Variants in ALG8 observed in about 807,000 individuals in gnomAD.
The protein encoded by ALG8 is dolichyl pyrophosphate Glc1Man9GlcNAc2 alpha-1,3-glucosyltransferase.
In ALG8, 48 loss-of-function variants were observed where a neutral mutation model predicts 70.2. That is an observed-to-expected ratio of 0.68 (90% confidence interval 0.54 to 0.87). ALG8 has a LOEUF of 0.87. Ranked by LOEUF, ALG8 falls within the 40% of genes least tolerant of loss-of-function variation. The pLI is 0.00. For missense variants in ALG8, 572 were observed against 608.7 expected, an observed-to-expected ratio of 0.94 and a Z score of 0.64; for synonymous variants, 234 against 229.0, an observed-to-expected ratio of 1.02 and a Z score of -0.20.
At chr11:78,123,315 G>GAAAAAAAAAAA (rs1220218900) in intron 3 of ALG8, among the ~76,000 whole-genome samples, 1,374 of 86,092 alleles carry the variant, frequency 0.016, 3 homozygotes, top group Non-Finnish European at 0.02. Context: ...GGAAAAAAAA[G>GAAAAAAAAAAA]AAAAAAAAAA....
At chr11:78,117,933 T>C (rs573245792) in intron 5 of ALG8, among the ~76,000 whole-genome samples, 7 of 151,516 alleles carry the variant, frequency 4.6e-5, no homozygotes, top group African/African-American at 1.5e-4. Flanking sequence ...TAGCCGGGCG[T>C]GGTGGCAGGC....
intron 12 of ALG8, among the ~76,000 whole-genome samples, chr11:78,101,592 C>T (rs1365712808): frequency 6.6e-6 from 1 of 152,000 alleles, no homozygotes; most frequent in Non-Finnish European, 1.5e-5. Flanking sequence ...GCACTCTAGC[C>T]TGGGCGACAG....
intron 7 of ALG8, among the ~76,000 whole-genome samples, chr11:78,113,546 C>T (rs147689514): frequency 6.6e-6 from 1 of 151,882 alleles, no homozygotes; most frequent in African/African-American, 2.4e-5. Flanking sequence ...AACCCTGTCT[C>T]TACTAAAAAT....
chr11:78,126,463 C>T (rs1371667253), intron 2 of ALG8, among the ~76,000 whole-genome samples: 6 of 145,582 alleles, frequency 4.1e-5, no homozygotes, highest in South Asian at 2.2e-4. Flanking sequence ...ACCCGGGAGG[C>T]GGAGGTTGCA....
At position 78,123,079 on chromosome 11, in the gene ALG8, G is replaced by A. The variant is rs539971991; in HGVS notation, c.368+942C>T. Among the ~76,000 whole-genome samples the A allele has an allele frequency of 1.9e-4, 29 of 152,126 alleles. No homozygotes were observed. In the South Asian group the frequency reaches 5.6e-3, roughly 29 times the overall value. ...TCCCAGCACTTTGGGAGGCCGAGGC[G>A]GGTGGATCACGAGGTCAGGAGTTCA... is the stretch of plus-strand genomic sequence containing the variant. On this transcript the variant is annotated intron_variant, in intron 3 of 12. Coordinates refer to ENST00000299626, the MANE Select transcript of ALG8 (RefSeq NM_024079.5).
chr11:78,127,337 A>C, intron 2 of ALG8, 21 bp downstream of exon 2: 1 of 1,585,960 alleles, frequency 6.3e-7, no homozygotes, highest in Non-Finnish European at 8.6e-7. Flanking sequence ...TAAAAAAAAA[A>C]AGGTGAAAAT....
At chr11:78,131,720 C>A (rs939540511) in intron 1 of ALG8, among the ~76,000 whole-genome samples, 1 of 151,844 alleles carries the variant, frequency 6.6e-6, no homozygotes. Context: ...CCTGCCTTGG[C>A]CTTCCAAAGT....
chr11:78,106,515 A>G (rs910446957), intron 10 of ALG8, among the ~76,000 whole-genome samples: 2 of 152,162 alleles, frequency 1.3e-5, no homozygotes, highest in Non-Finnish European at 2.9e-5. Flanking sequence ...TTTTTTCTAT[A>G]ACATACTGTC....
Position 78,127,817 on chromosome 11 carries a change from C to A in ALG8, c.96-381G>T, listed in dbSNP as rs566246303. The stretch of plus-strand genomic sequence containing the variant: ...TGCCGCCCCCCGGGTTCACGCGAGT[C>A]TCCTGTCTCAGCCTCCCGAGCAGCT... On this transcript the variant is annotated intron_variant, in intron 1 of 12. Coordinates refer to ENST00000299626, the MANE Select transcript of ALG8 (RefSeq NM_024079.5). Among the ~76,000 whole-genome samples the A allele has an allele frequency of 5.3e-5, 8 of 151,332 alleles. No individual in the cohort carries two copies. The East Asian group carries it at 1.6e-3, about 30-fold the overall frequency.
Position 78,129,157 on chromosome 11 carries a change from A to G in ALG8, c.96-1721T>C, listed in dbSNP as rs567160330. Among the ~76,000 whole-genome samples, 12 of 151,970 alleles carry G rather than the reference A, an allele frequency of 7.9e-5. No homozygotes were observed. In the South Asian group the frequency reaches 1.9e-3, roughly 24 times the overall value. ...AAAGTGGGGCCGGGCGCGGTGGCTCACACCTGTAATTCCAGCACTTTGGGA... is the reference window on the plus strand; with the variant it reads ...AAAGTGGGGCCGGGCGCGGTGGCTCGCACCTGTAATTCCAGCACTTTGGGA... On this transcript the variant is annotated intron_variant, in intron 1 of 12. Coordinates refer to ENST00000299626, the MANE Select transcript of ALG8 (RefSeq NM_024079.5).
intron 2 of ALG8, among the ~76,000 whole-genome samples, chr11:78,126,830 T>G (rs1861099727): frequency 6.6e-6 from 1 of 152,180 alleles, no homozygotes; most frequent in Non-Finnish European, 1.5e-5. Flanking sequence ...CAGTCCACTA[T>G]TCTTTCAAAA....
At chr11:78,108,444 T>C (rs924786854) in intron 9 of ALG8, among the ~76,000 whole-genome samples, 1 of 151,948 alleles carries the variant, frequency 6.6e-6, no homozygotes, top group Non-Finnish European at 1.5e-5. Context: ...AAAAAAGAAA[T>C]TAATTATACT....
intron 1 of ALG8, among the ~76,000 whole-genome samples, chr11:78,130,812 G>GT (rs943610059): frequency 1.4e-3 from 215 of 151,384 alleles, no homozygotes; most frequent in African/African-American, 5.1e-3. Context: ...CCTCCCCTGT[G>GT]TTTTTTTTCT....
intron 9 of ALG8, among the ~76,000 whole-genome samples, chr11:78,108,798 A>G (rs1860154668): frequency 6.6e-6 from 1 of 152,248 alleles, no homozygotes; most frequent in Admixed American, 6.5e-5. Context: ...GCAGGTTTGA[A>G]ACATTCAGAA....
intron 12 of ALG8, 122 bp downstream of exon 12, chr11:78,103,858 T>C (rs1220361790): frequency 1.8e-6 from 1 of 561,590 alleles, no homozygotes; most frequent in African/African-American, 1.9e-5. Flanking sequence ...TTTACCAATT[T>C]TTTTTGTAAT....
At chr11:78,112,510 T>A in intron 8 of ALG8, 140 bp downstream of exon 8, 1 of 1,284,698 alleles carries the variant, frequency 7.8e-7, no homozygotes, top group East Asian at 2.5e-5. Context: ...CTGCTCCCCC[T>A]GTTCATCCTG....
At chr11:78,128,267 C>G (rs1861162877) in intron 1 of ALG8, among the ~76,000 whole-genome samples, 1 of 152,204 alleles carries the variant, frequency 6.6e-6, no homozygotes. Context: ...TTGTCCACTG[C>G]TGTACCTCCC....
chr11:78,132,754 TCAGAGA>T (rs1861357458), intron 1 of ALG8, among the ~76,000 whole-genome samples: 1 of 151,924 alleles, frequency 6.6e-6, no homozygotes, highest in Non-Finnish European at 1.5e-5. Context: ...TGTCAGTTCC[TCAGAGA>T]CATTCTCTGA....
At chr11:78,136,094 C>A (rs539925467) in intron 1 of ALG8, among the ~76,000 whole-genome samples, 1 of 151,888 alleles carries the variant, frequency 6.6e-6, no homozygotes, top group South Asian at 2.1e-4. Flanking sequence ...TGTTTGAGCC[C>A]AGGAAGTAGA....
Sources: allele counts gnomAD v4.1 joint callset (sites outside exome capture counted in the v4.1 genomes callset), GRCh38; gene constraint gnomAD v4.1.1; transcripts MANE v1.5; gene names NCBI Gene and HGNC (gene_info 2026-07-23, HGNC 2026-07-21).